The following ALK variants were observed in gnomAD, a reference collection of about 807,000 sequenced individuals.
ALK encodes ALK receptor tyrosine kinase, also known as ALK tyrosine kinase receptor.
Under a neutral mutation model 163.1 loss-of-function variants are expected in ALK, and 74 were observed. That is an observed-to-expected ratio of 0.45 (90% CI 0.38 to 0.55). The LOEUF (loss-of-function observed/expected upper bound fraction) is 0.55, where lower values mean the gene tolerates loss of function less well. ALK is among the 20% of genes least tolerant of loss of function. The probability of loss-of-function intolerance (pLI) is 0.00; values close to 1 mark genes in which losing one functional copy is unlikely to be tolerated. For missense variants in ALK, 2,063 were observed against 2,105.3 expected (o/e 0.98, Z 0.39); for synonymous variants, 960 against 843.2 (o/e 1.14, Z -2.40).
intron 23 of ALK, among the ~76,000 whole-genome samples, chr2:29,214,751 G>T (rs1474955679): frequency 6.6e-6 from 1 of 152,186 alleles, no homozygotes; most frequent in Non-Finnish European, 1.5e-5. Context: ...AGCCTTTCCA[G>T]AAGGCGACAT....
chr2:29,606,991 T>C (rs574582010), intron 3 of ALK, among the ~76,000 whole-genome samples: 2 of 152,362 alleles, frequency 1.3e-5, no homozygotes, highest in East Asian at 1.9e-4. Flanking sequence ...CTTTCCTTTT[T>C]TTAACTCAGC....
intron 3 of ALK, among the ~76,000 whole-genome samples, chr2:29,616,514 G>T (rs1013507548): frequency 3.3e-5 from 5 of 152,186 alleles, no homozygotes; most frequent in African/African-American, 1.2e-4. Context: ...GACCAAAACA[G>T]ACGCCCCCTG....
chr2:29,834,273 C>T (rs959509287), intron 1 of ALK, among the ~76,000 whole-genome samples: 1 of 152,156 alleles, frequency 6.6e-6, no homozygotes, highest in Non-Finnish European at 1.5e-5. Flanking sequence ...TTATTGTCTA[C>T]ATGGTACTCA....
intron 1 of ALK, among the ~76,000 whole-genome samples, chr2:29,827,279 G>C (rs1342215115): frequency 6.6e-6 from 1 of 152,216 alleles, no homozygotes; most frequent in Non-Finnish European, 1.5e-5. Flanking sequence ...AAGGTCCAGA[G>C]AGACTAAGGA....
chr2:29,691,698 C>A (rs1010281819), intron 3 of ALK, among the ~76,000 whole-genome samples: 3 of 152,104 alleles, frequency 2.0e-5, no homozygotes, highest in Non-Finnish European at 2.9e-5. Context: ...TCCTCTCCCC[C>A]CCTTCTTTTT....
At chr2:29,919,911 G>A (rs527936721) in intron 1 of ALK, 82 bp downstream of exon 1, 2 of 1,511,418 alleles carry the variant, frequency 1.3e-6, no homozygotes, top group African/African-American at 2.7e-5. Context: ...AAAGTGGGGT[G>A]GAAGTGAAGA....
intron 1 of ALK, among the ~76,000 whole-genome samples, chr2:29,903,967 A>G (rs1402419430): frequency 6.6e-6 from 1 of 152,212 alleles, no homozygotes; most frequent in Non-Finnish European, 1.5e-5. Context: ...CACTTATTTG[A>G]TATTACAGAA....
chr2:29,596,369 C>G lies in ALK; in HGVS notation c.953-64253G>C, dbSNP rs561098076. Among the ~76,000 whole-genome samples, 231 of 152,302 alleles carry G rather than the reference C, an allele frequency of 1.5e-3. 1 individual carries two copies. The highest frequency in any genetic ancestry group is 5.4e-3 in the African/African-American group (226 of 41,558). ...CATATCCTATCTTCTAAGTAGTATA[C>G]AGACATCCTAAATGTGTTGCTGCCA... On this transcript the variant is annotated intron_variant, in intron 3 of 28. Transcript: ENST00000389048.
chr2:29,426,933 A>G (rs1256506734), intron 4 of ALK, among the ~76,000 whole-genome samples: 1 of 148,984 alleles, frequency 6.7e-6, no homozygotes, highest in African/African-American at 2.5e-5. Flanking sequence ...AGCTACTCAG[A>G]AGGCTGAGGC....
At chr2:29,220,259 T>C (rs11690326) in intron 23 of ALK, among the ~76,000 whole-genome samples, 56,108 of 151,898 alleles carry the variant, frequency 0.37, 11,897 homozygotes, top group Non-Finnish European at 0.48. Context: ...CCTGGTTGTT[T>C]AAAAGTGTAC....
chr2:29,314,192 T>C (rs938066450), intron 8 of ALK, among the ~76,000 whole-genome samples: 4 of 152,134 alleles, frequency 2.6e-5, no homozygotes, highest in Non-Finnish European at 4.4e-5. Flanking sequence ...TTCGGGTGCC[T>C]TCCTTTGAGA....
intron 3 of ALK, among the ~76,000 whole-genome samples, chr2:29,559,112 G>A (rs1420315433): frequency 2.0e-5 from 3 of 152,114 alleles, no homozygotes; most frequent in African/African-American, 7.2e-5. Flanking sequence ...CCAGATCTGA[G>A]GGCAAAAAGT....
At chr2:29,215,921 C>G (rs1028681044) in intron 23 of ALK, among the ~76,000 whole-genome samples, 1 of 152,176 alleles carries the variant, frequency 6.6e-6, no homozygotes, top group Non-Finnish European at 1.5e-5. Context: ...TTGTCAGGAG[C>G]ACCCACGCCA....
intron 1 of ALK, among the ~76,000 whole-genome samples, chr2:29,785,380 C>T (rs1031288119): frequency 4.6e-5 from 7 of 152,044 alleles, no homozygotes; most frequent in South Asian, 2.1e-4. Context: ...AGAAAATTGG[C>T]GATAAAAACA....
chr2:29,515,590 G>A (rs1045840246), intron 4 of ALK, among the ~76,000 whole-genome samples: 2 of 152,112 alleles, frequency 1.3e-5, no homozygotes, highest in African/African-American at 4.8e-5. Context: ...GAGGCATAAT[G>A]GGATCATGTG....
chr2:29,815,479 T>C (rs1175010320), intron 1 of ALK, among the ~76,000 whole-genome samples: 2 of 152,116 alleles, frequency 1.3e-5, no homozygotes, highest in Non-Finnish European at 2.9e-5. Context: ...AGGGAGGCAC[T>C]GGGACTCTGC....
intron 4 of ALK, among the ~76,000 whole-genome samples, chr2:29,430,709 T>C (rs901763333): frequency 2.5e-4 from 38 of 152,198 alleles, no homozygotes; most frequent in African/African-American, 7.5e-4. Context: ...TAGGTACTTA[T>C]TGCCTGGTAT....
chr2:29,666,127 C>T (rs531434251), intron 3 of ALK, among the ~76,000 whole-genome samples: 28 of 152,088 alleles, frequency 1.8e-4, no homozygotes, highest in African/African-American at 1.2e-4. Flanking sequence ...AGATGTATTA[C>T]ATCTACTCTA....
At chr2:29,901,460 G>T (rs951728538) in intron 1 of ALK, among the ~76,000 whole-genome samples, 1 of 152,174 alleles carries the variant, frequency 6.6e-6, no homozygotes, top group Non-Finnish European at 1.5e-5. Flanking sequence ...TCTGAGTGTT[G>T]CACCCGCTGT....
Sources: gnomAD v4.1 joint callset for allele counts (sites outside exome capture counted in the v4.1 genomes callset) on GRCh38, gnomAD v4.1.1 for gene constraint, MANE v1.5 for transcripts, NCBI Gene and HGNC (gene_info 2026-07-23, HGNC 2026-07-21) for gene names.